Variants in HDAC8 observed in about 807,000 individuals in gnomAD.
HDAC8 encodes the protein histone deacetylase 8.
HDAC8 carries 1 observed loss-of-function variant against 32.2 expected under a neutral mutation model. That is an observed-to-expected ratio of 0.03 (90% confidence interval 0.01 to 0.15). The LOEUF is 0.15. Among genes scored for constraint, HDAC8 ranks in the 10% least tolerant of loss-of-function variants. The pLI is 1.00. For missense variants in HDAC8, 117 were observed against 300.0 expected (o/e 0.39, Z 4.51); for synonymous variants, 108 against 113.9 (o/e 0.95, Z 0.33).
intron 4 of HDAC8, among the ~76,000 whole-genome samples, chrX:72,520,886 T>C (rs1196756612): frequency 2.7e-5 from 3 of 112,306 alleles, no homozygotes; most frequent in East Asian, 5.6e-4. Context: ...TCTAGGTTCA[T>C]CTAATTGTTT....
rs146243830 is a variant in HDAC8, at chrX:72,398,234, G to A, written c.1006-46396C>T. On this transcript the variant is annotated intron_variant, in intron 9 of 10. Transcript: ENST00000373573. The stretch of plus-strand genomic sequence containing the variant: ...TTTCCCTGATTACCAAGGAGGTTGA[G>A]CATCTTTTCATGTTTCTTGGTCATT... Among the ~76,000 whole-genome samples the A allele has an allele frequency of 4.6e-3, 515 of 112,258 alleles. 2 individuals are homozygous for A. Among genetic ancestry groups the A allele is most frequent in the African/African-American group, 0.016 (500 of 30,939 alleles).
intron 9 of HDAC8, among the ~76,000 whole-genome samples, chrX:72,431,674 T>A (rs2046822842): frequency 9.0e-6 from 1 of 111,516 alleles, no homozygotes; most frequent in South Asian, 3.8e-4. Flanking sequence ...TTGAAGTTCC[T>A]CTCATCAAGG....
chrX:72,420,314 A>T (rs2046450869), intron 9 of HDAC8, among the ~76,000 whole-genome samples: 1 of 111,655 alleles, frequency 9.0e-6, no homozygotes, highest in Non-Finnish European at 1.9e-5. Context: ...CTCCTGAGTC[A>T]GTTTGGGTAA....
chrX:72,410,314 A>G (rs1360120788), intron 9 of HDAC8, among the ~76,000 whole-genome samples: 2 of 110,857 alleles, frequency 1.8e-5, no homozygotes, highest in Non-Finnish European at 3.8e-5. Context: ...GGAGGAGGCA[A>G]TGAGGCCAGC....
At chrX:72,443,062 C>A (rs2047215954) in intron 9 of HDAC8, among the ~76,000 whole-genome samples, 1 of 108,188 alleles carries the variant, frequency 9.2e-6, no homozygotes, top group African/African-American at 3.4e-5. Context: ...TACAAAGAGA[C>A]TTAGACTCCC....
intron 9 of HDAC8, among the ~76,000 whole-genome samples, chrX:72,388,542 A>G (rs2045519919): frequency 9.3e-6 from 1 of 107,276 alleles, no homozygotes; most frequent in Non-Finnish European, 1.9e-5. Flanking sequence ...TGGCCTTTCT[A>G]GTTCTCTTGG....
At chrX:72,396,875 C>T (rs1283132815) in intron 9 of HDAC8, among the ~76,000 whole-genome samples, 3 of 106,399 alleles carry the variant, frequency 2.8e-5, no homozygotes, top group African/African-American at 1.2e-4. Context: ...CAATAATGTA[C>T]TGTGTATGAA....
intron 9 of HDAC8, among the ~76,000 whole-genome samples, chrX:72,421,979 C>T (rs1555973741): frequency 8.9e-6 from 1 of 111,856 alleles, no homozygotes; most frequent in Non-Finnish European, 1.9e-5. Context: ...TATGTCATCC[C>T]ATTGTATTCT....
chrX:72,360,736 G>C (rs2044524062), intron 9 of HDAC8, among the ~76,000 whole-genome samples: 2 of 111,908 alleles, frequency 1.8e-5, no homozygotes, highest in Non-Finnish European at 3.8e-5. Context: ...AAGAACTTAG[G>C]CTCAACCATG....
intron 9 of HDAC8, among the ~76,000 whole-genome samples, chrX:72,421,512 T>C (rs1300040723): frequency 8.9e-6 from 1 of 112,443 alleles, no homozygotes; most frequent in African/African-American, 3.2e-5. Context: ...CTTCCAACTC[T>C]ACCCATGTAC....
At chrX:72,459,501 G>T (rs1418714338) in intron 9 of HDAC8, among the ~76,000 whole-genome samples, 1 of 110,714 alleles carries the variant, frequency 9.0e-6, no homozygotes, top group African/African-American at 3.3e-5. Context: ...GGCTGCAACT[G>T]ACCACTGCAT....
At chrX:72,427,389 C>T (rs966575430) in intron 9 of HDAC8, among the ~76,000 whole-genome samples, 3 of 110,781 alleles carry the variant, frequency 2.7e-5, no homozygotes, top group Non-Finnish European at 5.7e-5. Context: ...AAATGTGGCA[C>T]ATATACACCA....
At chrX:72,448,263 G>T (rs1409342738) in intron 9 of HDAC8, among the ~76,000 whole-genome samples, 2 of 111,184 alleles carry the variant, frequency 1.8e-5, no homozygotes, top group Non-Finnish European at 3.8e-5. Flanking sequence ...CAGAACAGAG[G>T]CCTCAGAAAT....
chrX:72,353,368 T>C (rs983009780), intron 9 of HDAC8, among the ~76,000 whole-genome samples: 3 of 112,292 alleles, frequency 2.7e-5, no homozygotes, highest in African/African-American at 9.7e-5. Context: ...TATGTGTGTA[T>C]GGACTGATCT....
At chrX:72,388,155 C>T (rs955422170) in intron 9 of HDAC8, among the ~76,000 whole-genome samples, 21 of 110,616 alleles carry the variant, frequency 1.9e-4, no homozygotes, top group African/African-American at 5.9e-4. Context: ...CAATCTAGAA[C>T]GATCTTGTGT....
intron 4 of HDAC8, among the ~76,000 whole-genome samples, chrX:72,540,554 C>T (rs907543736): frequency 1.8e-5 from 2 of 108,604 alleles, no homozygotes; most frequent in Non-Finnish European, 3.8e-5. Flanking sequence ...GCTTATATAA[C>T]AGCCCACAGT....
intron 4 of HDAC8, among the ~76,000 whole-genome samples, chrX:72,558,662 C>A (rs2051371274): frequency 9.0e-6 from 1 of 111,113 alleles, no homozygotes; most frequent in South Asian, 3.9e-4. Context: ...TGAAAGCATT[C>A]CCCCCAAGAA....
chrX:72,527,102 G>A (rs782254924), intron 4 of HDAC8, among the ~76,000 whole-genome samples: 1 of 111,770 alleles, frequency 8.9e-6, no homozygotes, highest in South Asian at 3.8e-4. Context: ...GGTCCTTAAG[G>A]ATTCAGCCCT....
chrX:72,339,596 G>T (rs1254333074), intron 10 of HDAC8, among the ~76,000 whole-genome samples: 1 of 112,127 alleles, frequency 8.9e-6, no homozygotes, highest in African/African-American at 3.2e-5. Flanking sequence ...GAAGTTCAGG[G>T]AGGGGAGCAA....
Sources: allele counts gnomAD v4.1 joint callset (sites outside exome capture counted in the v4.1 genomes callset), GRCh38; gene constraint gnomAD v4.1.1; transcripts MANE v1.5; gene names NCBI Gene and HGNC (gene_info 2026-07-23, HGNC 2026-07-21).